NCKAP5: variants seen among roughly 807,000 people sequenced by gnomAD.
NCKAP5 encodes nck-associated protein 5.
A neutral mutation model predicts 167.0 loss-of-function variants in NCKAP5; 92 were observed. The observed-to-expected ratio is 0.55, with a 90% CI of 0.47 to 0.66. The LOEUF is 0.66. Ranked by LOEUF, NCKAP5 falls within the 30% of genes least tolerant of loss-of-function variation. The pLI is 0.00. For synonymous variants in NCKAP5, 891 were observed against 877.4 expected (o/e 1.02, Z -0.27); for missense variants, 2,378 against 2,315.0 (o/e 1.03, Z -0.56).
chr2:132,997,478 C>A (rs1055832781), intron 6 of NCKAP5, among the ~76,000 whole-genome samples: 1 of 152,148 alleles, frequency 6.6e-6, no homozygotes, highest in African/African-American at 2.4e-5. Flanking sequence ...ACTGTCTCAT[C>A]TGTTCATCAT....
intron 6 of NCKAP5, among the ~76,000 whole-genome samples, chr2:133,106,239 G>T (rs2081690076): frequency 7.2e-6 from 1 of 139,230 alleles, no homozygotes; most frequent in Admixed American, 7.5e-5. Context: ...CTTGCAGTGA[G>T]CCGAGATGCC....
chr2:133,036,451 C>T (rs1466713758), intron 6 of NCKAP5, among the ~76,000 whole-genome samples: 1 of 151,934 alleles, frequency 6.6e-6, no homozygotes, highest in Non-Finnish European at 1.5e-5. Context: ...TTAAACAATA[C>T]ATTAGGAAAT....
At chr2:133,544,543 T>C (rs1315202439) in intron 2 of NCKAP5, among the ~76,000 whole-genome samples, 1 of 152,238 alleles carries the variant, frequency 6.6e-6, no homozygotes, top group Non-Finnish European at 1.5e-5. Flanking sequence ...TTCAATTCTT[T>C]AATGATGACT....
chr2:133,437,274 A>G (rs1690546382), intron 3 of NCKAP5, among the ~76,000 whole-genome samples: 1 of 151,318 alleles, frequency 6.6e-6, no homozygotes. Context: ...AATCGCTTGA[A>G]CCCGAGAGGC....
At chr2:132,793,640 C>T (rs777665138) in intron 12 of NCKAP5, among the ~76,000 whole-genome samples, 2 of 152,192 alleles carry the variant, frequency 1.3e-5, no homozygotes, top group African/African-American at 4.8e-5. Context: ...CCTAGCAGCA[C>T]GTTGTGGTAC....
intron 3 of NCKAP5, among the ~76,000 whole-genome samples, chr2:133,507,829 C>T (rs768224974): frequency 4.6e-5 from 7 of 152,004 alleles, no homozygotes; most frequent in African/African-American, 2.4e-5. Flanking sequence ...CAATGCAACA[C>T]GAAGTAATGA....
chr2:132,795,827 AAAAAAAAAAAAC>A (rs1255530468), intron 12 of NCKAP5, among the ~76,000 whole-genome samples: 1 of 149,938 alleles, frequency 6.7e-6, no homozygotes, highest in Non-Finnish European at 1.5e-5. Context: ...TCAGAAAAAA[AAAAAAAAAAAAC>A]AAAAAAAACA....
At chr2:133,365,200 T>A (rs1685376237) in intron 3 of NCKAP5, among the ~76,000 whole-genome samples, 2 of 151,974 alleles carry the variant, frequency 1.3e-5, no homozygotes, top group Admixed American at 1.3e-4. Flanking sequence ...AAAAGTAACA[T>A]CAATTCTGCC....
intron 5 of NCKAP5, among the ~76,000 whole-genome samples, chr2:133,205,900 G>C (rs1055424715): frequency 1.3e-5 from 2 of 151,984 alleles, no homozygotes; most frequent in Non-Finnish European, 2.9e-5. Context: ...GCTGATGATT[G>C]ATATGTAGGA....
At chr2:133,011,835 C>T (rs563841918) in intron 6 of NCKAP5, among the ~76,000 whole-genome samples, 3 of 152,182 alleles carry the variant, frequency 2.0e-5, no homozygotes, top group African/African-American at 7.2e-5. Flanking sequence ...TGCTTTGACA[C>T]CATACTCTTC....
At chr2:133,120,730 C>G (rs555254061) in intron 6 of NCKAP5, among the ~76,000 whole-genome samples, 7 of 152,256 alleles carry the variant, frequency 4.6e-5, no homozygotes, top group Non-Finnish European at 1.0e-4. Flanking sequence ...GAAATCAGGT[C>G]TTCATCCTCC....
chr2:133,484,068 A>C (rs1360949513), intron 3 of NCKAP5, among the ~76,000 whole-genome samples: 1 of 152,204 alleles, frequency 6.6e-6, no homozygotes, highest in East Asian at 1.9e-4. Flanking sequence ...CTCATTTTGA[A>C]AAAGCTCTTT....
chr2:133,659,184 C>T, the NCKAP5 span, among the ~76,000 whole-genome samples: 1 of 152,168 alleles, frequency 6.6e-6, no homozygotes, highest in East Asian at 1.9e-4. Context: ...TTTGCAAACA[C>T]AGAAAATAAT....
chr2:132,793,774 A>T (rs1684263866), intron 12 of NCKAP5, among the ~76,000 whole-genome samples: 1 of 152,146 alleles, frequency 6.6e-6, no homozygotes, highest in Non-Finnish European at 1.5e-5. Context: ...TTACAGAGTA[A>T]TTCCTTGCAA....
chr2:133,248,059 G>C (rs1054958885), intron 4 of NCKAP5, among the ~76,000 whole-genome samples: 1 of 152,216 alleles, frequency 6.6e-6, no homozygotes, highest in African/African-American at 2.4e-5. Flanking sequence ...TGGAGAAACT[G>C]TTTGTTATTA....
intron 5 of NCKAP5, among the ~76,000 whole-genome samples, chr2:133,144,197 G>C (rs2149851044): frequency 6.6e-6 from 1 of 152,194 alleles, no homozygotes; most frequent in Non-Finnish European, 1.5e-5. Flanking sequence ...TTTTCTATAA[G>C]GAACCAGAGG....
chr2:133,233,019 T>C (rs546950029), intron 4 of NCKAP5, among the ~76,000 whole-genome samples: 1 of 152,186 alleles, frequency 6.6e-6, no homozygotes, highest in African/African-American at 2.4e-5. Flanking sequence ...TCTATTCAAC[T>C]GACTGGCTTC....
At position 133,350,653 on chromosome 2, in the gene NCKAP5, T is replaced by C. The variant is rs190039949; in HGVS notation, c.70-47543A>G. ...GTCAGCACCCTCAAAATTGTGGTAG[T>C]TTAGATAATAAATTATGGTCATCCC... is the stretch of plus-strand genomic sequence containing the variant. On this transcript the variant is annotated intron_variant, in intron 3 of 19. Transcript: ENST00000409261. Among the ~76,000 whole-genome samples the C allele has an allele frequency of 5.7e-4, 86 of 152,174 alleles. No homozygotes were observed. The Middle Eastern group carries it at 0.01, about 18-fold the overall frequency.
intron 3 of NCKAP5, among the ~76,000 whole-genome samples, chr2:133,362,437 A>G (rs988331011): frequency 1.3e-5 from 2 of 152,230 alleles, no homozygotes; most frequent in African/African-American, 4.8e-5. Flanking sequence ...CCCCATATTA[A>G]GAACAGAAAA....
Sources: allele counts gnomAD v4.1 joint callset (sites outside exome capture counted in the v4.1 genomes callset), GRCh38; gene constraint gnomAD v4.1.1; transcripts MANE v1.5; gene names NCBI Gene and HGNC (gene_info 2026-07-23, HGNC 2026-07-21).